The following NRXN3 variants were observed in gnomAD, a reference collection of about 807,000 sequenced individuals.
NRXN3 encodes neurexin III.
In NRXN3, 32 loss-of-function variants were observed where a neutral mutation model predicts 137.6. The observed-to-expected ratio is 0.23, with a 90% CI of 0.18 to 0.31. The LOEUF is 0.31. Among genes scored for constraint, NRXN3 ranks in the 10% least tolerant of loss-of-function variants. NRXN3 has a pLI of 1.00. For missense variants in NRXN3, 1,574 were observed against 2,062.5 expected (o/e 0.76, Z 4.59); for synonymous variants, 798 against 784.5 (o/e 1.02, Z -0.29).
chr14:79,393,090 G>A (rs552193636), intron 15 of NRXN3, among the ~76,000 whole-genome samples: 2 of 151,996 alleles, frequency 1.3e-5, no homozygotes, highest in African/African-American at 4.8e-5. Flanking sequence ...GTGGAAGTCA[G>A]CAGGTAATCT....
chr14:79,459,594 A>C (rs1016176978), intron 15 of NRXN3, among the ~76,000 whole-genome samples: 5 of 152,070 alleles, frequency 3.3e-5, no homozygotes, highest in African/African-American at 1.2e-4. Flanking sequence ...CTGTTGTTAA[A>C]GTTACCCAGC....
chr14:79,442,672 A>G (rs941755837), intron 15 of NRXN3, among the ~76,000 whole-genome samples: 9 of 152,214 alleles, frequency 5.9e-5, no homozygotes, highest in African/African-American at 2.2e-4. Context: ...CAGGCGTCTG[A>G]AATGTGCCCA....
At chr14:79,468,755 C>T (rs989061352) in intron 16 of NRXN3, among the ~76,000 whole-genome samples, 2 of 152,280 alleles carry the variant, frequency 1.3e-5, no homozygotes, top group Admixed American at 1.3e-4. Flanking sequence ...AGCTGGAAGT[C>T]GGTCTAGCCC....
At chr14:78,666,192 G>A (rs980099438) in intron 6 of NRXN3, among the ~76,000 whole-genome samples, 1 of 152,114 alleles carries the variant, frequency 6.6e-6, no homozygotes, top group African/African-American at 2.4e-5. Context: ...TATTCACACG[G>A]TTGTACACAG....
intron 10 of NRXN3, among the ~76,000 whole-genome samples, chr14:78,900,945 T>C (rs549753510): frequency 9.9e-5 from 15 of 152,142 alleles, no homozygotes; most frequent in African/African-American, 3.4e-4. Context: ...GGACATCAAA[T>C]GACTCGCCCA....
intron 10 of NRXN3, among the ~76,000 whole-genome samples, chr14:78,832,741 ATGCCAAATAC>A (rs2098985918): frequency 6.6e-6 from 1 of 152,214 alleles, no homozygotes; most frequent in African/African-American, 2.4e-5. Context: ...AATAATAATA[ATGCCAAATAC>A]TGGAATCATA....
chr14:79,650,457 C>T (rs1431642293), intron 16 of NRXN3, among the ~76,000 whole-genome samples: 1 of 152,114 alleles, frequency 6.6e-6, no homozygotes, highest in Non-Finnish European at 1.5e-5. Context: ...TCCATCATCA[C>T]CCAACAAGCT....
At chr14:78,610,804 A>C (rs1487793759) in intron 4 of NRXN3, among the ~76,000 whole-genome samples, 3 of 152,212 alleles carry the variant, frequency 2.0e-5, no homozygotes, top group African/African-American at 7.2e-5. Flanking sequence ...GAAGAAATCT[A>C]CAATTACTCG....
At chr14:78,956,973 T>C (rs1370097890) in intron 10 of NRXN3, among the ~76,000 whole-genome samples, 1 of 152,238 alleles carries the variant, frequency 6.6e-6, no homozygotes, top group East Asian at 1.9e-4. Context: ...TTACTGCCAT[T>C]GGCATTTGAA....
intron 10 of NRXN3, among the ~76,000 whole-genome samples, chr14:78,893,631 A>G (rs1406067402): frequency 2.0e-5 from 3 of 151,986 alleles, no homozygotes; most frequent in African/African-American, 7.2e-5. Context: ...AATTAATAGT[A>G]AAACCATTAA....
intron 20 of NRXN3, among the ~76,000 whole-genome samples, chr14:79,824,227 T>C (rs192169208): frequency 6.6e-6 from 1 of 152,204 alleles, no homozygotes; most frequent in Non-Finnish European, 1.5e-5. Flanking sequence ...TCTCCCTCGA[T>C]AGGATGTCCA....
At chr14:78,209,009 A>G (rs564415629) in intron 1 of NRXN3, among the ~76,000 whole-genome samples, 1 of 152,194 alleles carries the variant, frequency 6.6e-6, no homozygotes, top group Admixed American at 6.5e-5. Flanking sequence ...TCATCATCCC[A>G]CTTGAGATAA....
At chr14:78,999,337 G>T (rs2099536822) in intron 15 of NRXN3, among the ~76,000 whole-genome samples, 1 of 152,018 alleles carries the variant, frequency 6.6e-6, no homozygotes, top group African/African-American at 2.4e-5. Flanking sequence ...GAGGCAGTAG[G>T]AAAAAAACAT....
chr14:78,641,269 T>C (rs1377890387), intron 4 of NRXN3, among the ~76,000 whole-genome samples: 5 of 152,122 alleles, frequency 3.3e-5, no homozygotes, highest in Non-Finnish European at 7.4e-5. Flanking sequence ...TTAAGATAGA[T>C]TGGAGGTCTT....
chr14:79,168,847 G>A (rs1180326388), intron 15 of NRXN3, among the ~76,000 whole-genome samples: 1 of 152,074 alleles, frequency 6.6e-6, no homozygotes, highest in Non-Finnish European at 1.5e-5. Flanking sequence ...TAAATTTATA[G>A]TATGTGGTAT....
chr14:79,028,120 CTTA>C (rs2099601564), intron 15 of NRXN3, among the ~76,000 whole-genome samples: 3 of 152,178 alleles, frequency 2.0e-5, no homozygotes, highest in Admixed American at 1.3e-4. Flanking sequence ...AATATTGGCT[CTTA>C]TTATTATGTT....
At chr14:79,073,176 C>T (rs1246332390) in intron 15 of NRXN3, among the ~76,000 whole-genome samples, 3 of 152,106 alleles carry the variant, frequency 2.0e-5, no homozygotes, top group Non-Finnish European at 2.9e-5. Context: ...CATGAGCCAC[C>T]GCGCCCGGCC....
chr14:79,084,857 A>T (rs889568164), intron 15 of NRXN3, among the ~76,000 whole-genome samples: 1 of 152,134 alleles, frequency 6.6e-6, no homozygotes, highest in African/African-American at 2.4e-5. Context: ...GGCATTTTCT[A>T]CTGCATGGAT....
At chr14:78,516,973 G>A (rs1194737500) in intron 4 of NRXN3, among the ~76,000 whole-genome samples, 1 of 152,054 alleles carries the variant, frequency 6.6e-6, no homozygotes, top group Admixed American at 6.6e-5. Context: ...AAAAAGAAGG[G>A]CATGAGATTA....
Sources: allele counts gnomAD v4.1 joint callset (sites outside exome capture counted in the v4.1 genomes callset), GRCh38; gene constraint gnomAD v4.1.1; transcripts MANE v1.5; gene names NCBI Gene and HGNC (gene_info 2026-07-23, HGNC 2026-07-21).